The following RANBP2 variants were observed in gnomAD, a reference collection of about 807,000 sequenced individuals.
The protein encoded by RANBP2 is E3 SUMO-protein ligase RanBP2.
Under a neutral mutation model 303.6 loss-of-function variants are expected in RANBP2, and 57 were observed. The observed-to-expected ratio is 0.19, with a 90% CI of 0.15 to 0.23. RANBP2 has a LOEUF of 0.23. Among genes scored for constraint, RANBP2 ranks in the 10% least tolerant of loss-of-function variants. RANBP2 has a pLI of 1.00. For synonymous variants in RANBP2, 1,167 were observed against 1,301.5 expected (o/e 0.90, Z 2.23); for missense variants, 3,138 against 3,780.8 (o/e 0.83, Z 4.46).
the RANBP2 span, among the ~76,000 whole-genome samples, chr2:109,279,940 A>AGGGTGAG: frequency 1.1e-4 from 16 of 151,620 alleles, no homozygotes; most frequent in African/African-American, 3.6e-4. Context: ...TAAGAGGTGG[A>AGGGTGAG]GGGTGAGGGG....
At chr2:109,347,626 AT>A in the RANBP2 span, 2 of 1,589,588 alleles carry the variant, frequency 1.3e-6, no homozygotes, top group Non-Finnish European at 1.7e-6. Flanking sequence ...ACTGTGGGGC[AT>A]TGGGAAGGGG....
chr2:109,422,550 C>G, the RANBP2 span, among the ~76,000 whole-genome samples: 1 of 152,190 alleles, frequency 6.6e-6, no homozygotes, highest in African/African-American at 2.4e-5. Flanking sequence ...TGCATGGAGG[C>G]GACTGTGAGT....
chr2:109,425,086 TTGAG>T, the RANBP2 span, among the ~76,000 whole-genome samples: 1 of 152,198 alleles, frequency 6.6e-6, no homozygotes, highest in South Asian at 2.1e-4. Flanking sequence ...CGGAGAATGT[TTGAG>T]TGGCCTGGAT....
At chr2:109,052,106 A>C in the RANBP2 span, among the ~76,000 whole-genome samples, 5 of 152,198 alleles carry the variant, frequency 3.3e-5, no homozygotes, top group Non-Finnish European at 5.9e-5. Flanking sequence ...GGTGTTTAAC[A>C]AATGTATCCA....
chr2:109,468,561 G>A, the RANBP2 span, among the ~76,000 whole-genome samples: 2 of 152,196 alleles, frequency 1.3e-5, no homozygotes, highest in South Asian at 4.2e-4. Flanking sequence ...GTCAGGATAA[G>A]AAGGAAGTTA....
chr2:109,266,452 A>C, the RANBP2 span, among the ~76,000 whole-genome samples: 5 of 152,214 alleles, frequency 3.3e-5, no homozygotes, highest in South Asian at 1.0e-3. Flanking sequence ...GACAAGGGAC[A>C]CCTATGTTTG....
At chr2:108,880,994 C>G in the RANBP2 span, among the ~76,000 whole-genome samples, 1 of 152,148 alleles carries the variant, frequency 6.6e-6, no homozygotes, top group Non-Finnish European at 1.5e-5. Flanking sequence ...AGAGTTGATT[C>G]CAATACTCAC....
the RANBP2 span, among the ~76,000 whole-genome samples, chr2:109,153,791 G>A: frequency 4.6e-5 from 7 of 152,268 alleles, no homozygotes; most frequent in Admixed American, 2.0e-4. Flanking sequence ...CCCGACCCCC[G>A]ATGCCACCAT....
At chr2:109,249,532 T>TTCCTTCC in the RANBP2 span, among the ~76,000 whole-genome samples, 10 of 96,450 alleles carry the variant, frequency 1.0e-4, no homozygotes, top group Non-Finnish European at 1.4e-4. Flanking sequence ...TCTTTCTTTC[T>TTCCTTCC]TTCCTTCCTT....
the RANBP2 span, among the ~76,000 whole-genome samples, chr2:108,820,036 C>G: frequency 6.6e-6 from 1 of 152,128 alleles, no homozygotes; most frequent in Admixed American, 6.5e-5. Context: ...CTGAAAAATA[C>G]AATATCTGAA....
At chr2:108,878,569 T>G in the RANBP2 span, 2 of 196,448 alleles carry the variant, frequency 1.0e-5, no homozygotes, top group Non-Finnish European at 2.2e-5. Context: ...TCAGATATGT[T>G]TTATCGGGAA....
chr2:109,182,171 T>C, the RANBP2 span, among the ~76,000 whole-genome samples: 2 of 152,188 alleles, frequency 1.3e-5, no homozygotes, highest in African/African-American at 4.8e-5. Flanking sequence ...GGATAACTTA[T>C]AAACAATAGA....
At chr2:109,452,184 C>T in the RANBP2 span, among the ~76,000 whole-genome samples, 1 of 152,146 alleles carries the variant, frequency 6.6e-6, no homozygotes, top group African/African-American at 2.4e-5. Flanking sequence ...CATTTTAGTC[C>T]ACTGCTCAGA....
the RANBP2 span, among the ~76,000 whole-genome samples, chr2:109,755,198 TG>T: frequency 1.2e-4 from 12 of 99,110 alleles, no homozygotes; most frequent in African/African-American, 4.5e-4. Context: ...CACACCTTGG[TG>T]GGGGGGGGCC....
the RANBP2 span, chr2:108,857,107 T>G: frequency 6.8e-6 from 3 of 438,642 alleles, no homozygotes; most frequent in South Asian, 3.3e-5. Context: ...TGAGATGGAG[T>G]CTCGCTTTGT....
At chr2:109,547,185 G>A in the RANBP2 span, among the ~76,000 whole-genome samples, 1 of 152,132 alleles carries the variant, frequency 6.6e-6, no homozygotes, top group African/African-American at 2.4e-5. Flanking sequence ...TGCCAGCTAT[G>A]TGCCTTCCTC....
the RANBP2 span, among the ~76,000 whole-genome samples, chr2:109,594,353 C>T: frequency 2.6e-5 from 4 of 152,178 alleles, no homozygotes; most frequent in Non-Finnish European, 5.9e-5. Context: ...AATAGCTCAG[C>T]GCTCTTCCCG....
At chr2:109,454,766 G>A in the RANBP2 span, among the ~76,000 whole-genome samples, 4 of 152,116 alleles carry the variant, frequency 2.6e-5, no homozygotes, top group African/African-American at 9.7e-5. Context: ...TGCGAGTCCT[G>A]ACATAAAACT....
At chr2:108,857,564 A>G in the RANBP2 span, among the ~76,000 whole-genome samples, 1 of 152,060 alleles carries the variant, frequency 6.6e-6, no homozygotes, top group Non-Finnish European at 1.5e-5. Context: ...TTCCAGGTTT[A>G]TTTTCTTCTC....
Sources: allele counts gnomAD v4.1 joint callset (sites outside exome capture counted in the v4.1 genomes callset), GRCh38; gene constraint gnomAD v4.1.1; transcripts MANE v1.5; gene names NCBI Gene and HGNC (gene_info 2026-07-23, HGNC 2026-07-21).